Variants in DLC1 observed in about 807,000 individuals in gnomAD.
The protein encoded by DLC1 is rho GTPase-activating protein 7.
Under a neutral mutation model 140.3 loss-of-function variants are expected in DLC1, and 54 were observed. The ratio of observed to expected loss-of-function variants is 0.38; its 90% CI spans 0.31 to 0.48. The LOEUF (loss-of-function observed/expected upper bound fraction) is 0.48. Among genes scored for constraint, DLC1 ranks in the 20% least tolerant of loss-of-function variants. DLC1 has a pLI of 0.96. For synonymous variants in DLC1, 986 were observed against 728.1 expected (o/e 1.35, Z -5.70); for missense variants, 2,536 against 1,907.0 (o/e 1.33, Z -6.14).
At chr8:13,583,876 T>C (rs7015378) in intron 1 of DLC1, 150,356 of 152,418 alleles carry the variant, frequency 0.99, 74,202 homozygotes, top group East Asian at 1. Context: ...GAGGAGCTTG[T>C]CCTGGCAAAA....
At chr8:13,348,553 A>T (rs565420254) in intron 4 of DLC1, among the ~76,000 whole-genome samples, 142 of 152,334 alleles carry the variant, frequency 9.3e-4, no homozygotes, top group African/African-American at 3.3e-3. Context: ...AAGAAAGATG[A>T]TGAACACTTT....
At chr8:13,517,727 A>T (rs1032366580), upstream of DLC1, among the ~76,000 whole-genome samples, 3 of 152,172 alleles carry the variant, frequency 2.0e-5, no homozygotes, top group Non-Finnish European at 4.4e-5. Flanking sequence ...AAATAAGGGG[A>T]CAGGGACAGT....
rs376407124 is a variant in DLC1 at position 13,098,382 on chromosome 8, A to C, written c.3167+17T>G. On this transcript the variant is annotated intron_variant, in intron 10 of 17. Coordinates refer to ENST00000276297, the MANE Select transcript of DLC1 (RefSeq NM_182643.3). Reference sequence around the variant, plus strand: ...TATCATTTTCAACGACAGTTGACTGATCATTTAAACTCTTACCAGCTAAAA... The same window carrying C: ...TATCATTTTCAACGACAGTTGACTGCTCATTTAAACTCTTACCAGCTAAAA... 2.0e-4 allele frequency: 316 copies of C among 1,613,076 alleles called. 1 individual carries two copies. Among genetic ancestry groups the C allele is most frequent in the Non-Finnish European group, 2.4e-4 (280 of 1,179,378 alleles).
chr8:13,504,497 A>G (rs1801963460), intron 1 of DLC1, among the ~76,000 whole-genome samples: 2 of 152,226 alleles, frequency 1.3e-5, no homozygotes, highest in African/African-American at 4.8e-5. Flanking sequence ...AAATGATTCA[A>G]GTCTTCCGAT....
intron 1 of DLC1, among the ~76,000 whole-genome samples, chr8:13,525,347 G>A (rs1563420424): frequency 6.6e-6 from 1 of 152,084 alleles, no homozygotes; most frequent in Non-Finnish European, 1.5e-5. Context: ...TAATTTCCTT[G>A]TGTAAATACC....
At chr8:13,113,425 C>A (rs1199001184) in intron 6 of DLC1, among the ~76,000 whole-genome samples, 2 of 152,146 alleles carry the variant, frequency 1.3e-5, no homozygotes, top group Non-Finnish European at 2.9e-5. Flanking sequence ...GACTTGGGAA[C>A]ATGAAGGGAC....
chr8:13,278,839 A>G (rs1831264884), intron 5 of DLC1, among the ~76,000 whole-genome samples: 2 of 152,230 alleles, frequency 1.3e-5, no homozygotes, highest in African/African-American at 2.4e-5. Context: ...CTAGTGTTGT[A>G]TATAGACTAG....
chr8:13,099,774 T>A lies in DLC1; in HGVS notation c.2563A>T (p.Asn855Tyr). The A allele has an allele frequency of 6.2e-7, 1 of 1,614,110 alleles. No individual in the cohort carries two copies. Among genetic ancestry groups the A allele is most frequent in the Non-Finnish European group, 8.5e-7 (1 of 1,180,024 alleles). Reference sequence around the variant, plus strand: ...AGTTCCTTGGGGCTGTCGCTACTGTTTTCCCTCCTGAGGCTGATGTGGCCA... The same window carrying A: ...AGTTCCTTGGGGCTGTCGCTACTGTATTCCCTCCTGAGGCTGATGTGGCCA... ...GPGHISLRRE[N>Y]SSDSPKELKR... is the part of the protein sequence containing the mutation. Residue 855 changes from asparagine (N) to tyrosine (Y), a missense_variant, in exon 9 of 18, where the codon AAC becomes TAC. Asn to Tyr is a moderately radical substitution (Grantham distance 143). Coordinates refer to ENST00000276297, the MANE Select transcript of DLC1 (RefSeq NM_182643.3).
chr8:13,099,278 G>T (rs545924461), intron 9 of DLC1, 69 bp downstream of exon 9: 2 of 1,536,928 alleles, frequency 1.3e-6, no homozygotes, highest in Middle Eastern at 1.8e-4. Context: ...TCTTCCCACA[G>T]AACAAGCACA....
Position 13,120,356 on chromosome 8 carries a change from A to AAAAAAATATATATATATAT in DLC1, c.1349-4700_1349-4699insATATATATATATATTTTTT. ...AGACTCCGTCGCAAAAAAAAAAAAA[A>AAAAAAATATATATATATAT]ATATATATATATATAAAATGTATAT... On this transcript the variant is annotated intron_variant, in intron 5 of 17. Transcript: ENST00000276297. Among the ~76,000 whole-genome samples, 22 of 61,132 alleles carry AAAAAAATATATATATATAT rather than the reference A, an allele frequency of 3.6e-4. 1 individual carries two copies. The highest frequency in any genetic ancestry group is 2.9e-3 in the East Asian group (4 of 1,386). The allele number at this position is 61,132 out of a possible 152,430, so 40.1% of individuals were successfully genotyped here. A position where few individuals can be genotyped will look rare whatever the true frequency, so the allele number is the denominator to read the frequency against.
At position 13,464,966 on chromosome 8, in the gene DLC1, G is replaced by A. The variant is rs567402834; in HGVS notation, c.1023+34083C>T. On this transcript the variant is annotated intron_variant, in intron 2 of 17. Transcript: ENST00000276297. Reference sequence around the variant, plus strand: ...TGCTCAGGCTGTTAGTAATCTCCTGGGCTGATCTTCCCACCTCAGCCTCCT... The same window carrying A: ...TGCTCAGGCTGTTAGTAATCTCCTGAGCTGATCTTCCCACCTCAGCCTCCT... Among the ~76,000 whole-genome samples, 5 of 151,656 alleles carry A rather than the reference G, an allele frequency of 3.3e-5. No individual in the cohort carries two copies. In the East Asian group the frequency reaches 9.7e-4, roughly 29 times the overall value.
rs1353800389 is a variant in DLC1, at chr8:13,159,307, C to T, written c.1349-43650G>A. ...TGAGAGTATCACACGGGATGCCAAG[C>T]GGGCATTTCGTAAAATTGCCCTTGT... On this transcript the variant is annotated intron_variant, in intron 5 of 17. Coordinates refer to ENST00000276297, the MANE Select transcript of DLC1 (RefSeq NM_182643.3). Among the ~76,000 whole-genome samples, 7 of 152,290 alleles carry T rather than the reference C, an allele frequency of 4.6e-5. No individual in the cohort carries two copies. In the East Asian group the frequency reaches 1.4e-3, roughly 29 times the overall value.
intron 2 of DLC1, among the ~76,000 whole-genome samples, chr8:13,453,419 T>TTTTTTTTTTTTTTTTTTTCAG (rs1799181471): frequency 2.1e-5 from 1 of 46,762 alleles, no homozygotes; most frequent in African/African-American, 1.4e-4. Flanking sequence ...TATATATATA[T>TTTTTTTTTTTTTTTTTTTCAG]ATATGTGTAT....
chr8:13,174,460 G>C (rs1825657234), intron 5 of DLC1, among the ~76,000 whole-genome samples: 1 of 152,178 alleles, frequency 6.6e-6, no homozygotes. Context: ...TGCAGTGGCT[G>C]AACTAAGGTA....
At chr8:13,120,393 T>C (rs1276300130) in intron 5 of DLC1, among the ~76,000 whole-genome samples, 1 of 132,210 alleles carries the variant, frequency 7.6e-6, no homozygotes, top group African/African-American at 2.7e-5. Flanking sequence ...ATGTAACAAA[T>C]ACATATAATA....
At chr8:13,550,297 A>T (rs946734353) in intron 1 of DLC1, among the ~76,000 whole-genome samples, 2 of 152,100 alleles carry the variant, frequency 1.3e-5, no homozygotes, top group Non-Finnish European at 2.9e-5. Context: ...CCCTGCTGCC[A>T]TGTGAAGAAG....
At chr8:13,221,688 GTGTGTGTGTATA>G (rs71207133) in intron 5 of DLC1, among the ~76,000 whole-genome samples, 8,005 of 140,246 alleles carry the variant, frequency 0.057, 265 homozygotes, top group African/African-American at 0.072. Flanking sequence ...TTTTGTGTGT[GTGTGTGTGTATA>G]TGTGTGTGTA....
At chr8:13,369,351 G>T (rs1238446342) in intron 4 of DLC1, among the ~76,000 whole-genome samples, 1 of 65,366 alleles carries the variant, frequency 1.5e-5, no homozygotes, top group African/African-American at 7.1e-5. Context: ...TTTTTGGCTG[G>T]GTCGAAAAAA....
At chr8:13,189,261 T>G (rs1181680981) in intron 5 of DLC1, among the ~76,000 whole-genome samples, 1 of 152,206 alleles carries the variant, frequency 6.6e-6, no homozygotes, top group African/African-American at 2.4e-5. Context: ...ATGAACCATT[T>G]GTTTTAAACT....
Sources: allele counts gnomAD v4.1 joint callset (sites outside exome capture counted in the v4.1 genomes callset), GRCh38; gene constraint gnomAD v4.1.1; transcripts MANE v1.5; gene names NCBI Gene and HGNC (gene_info 2026-07-23, HGNC 2026-07-21).